NEMP2: variants seen among roughly 807,000 people sequenced by gnomAD.
The protein encoded by NEMP2 is nuclear envelope integral membrane protein 2.
Under a neutral mutation model 54.2 loss-of-function variants are expected in NEMP2, and 53 were observed. The observed-to-expected ratio is 0.98, with a 90% confidence interval of 0.78 to 1.23. The LOEUF (loss-of-function observed/expected upper bound fraction) is 1.23, where lower values mean the gene tolerates loss of function less well. Among genes scored for constraint, NEMP2 ranks in the 50% most tolerant of loss-of-function variants. NEMP2 has a pLI of 0.00. For synonymous variants in NEMP2, 197 were observed against 190.3 expected (o/e 1.04, Z -0.29); for missense variants, 455 against 511.3 (o/e 0.89, Z 1.06).
chr2:190,643,322 A>C, the NEMP2 span, among the ~76,000 whole-genome samples: 1 of 152,140 alleles, frequency 6.6e-6, no homozygotes, highest in Non-Finnish European at 1.5e-5. Flanking sequence ...AGGGAAGTGG[A>C]GCTCACAGTG....
the NEMP2 span, chr2:190,469,733 A>ATTTTTAT: frequency 0.91 from 1,023,308 of 1,120,248 alleles, 470,803 homozygotes; most frequent in East Asian, 0.99. The surrounding 1 kb of genome is among the most constrained non-coding windows in gnomAD (Gnocchi z 5.3). Context: ...TTTTTATTTT[A>ATTTTTAT]TTTTTATTTT....
chr2:190,434,322 T>C, the NEMP2 span, among the ~76,000 whole-genome samples: 28 of 152,312 alleles, frequency 1.8e-4, no homozygotes, highest in African/African-American at 6.5e-4. This position sits in a 1 kb window ranked among gnomAD's most constrained non-coding sequence, Gnocchi z 4.3. Context: ...ACTTTAATCA[T>C]TCAATCTTTA....
the NEMP2 span, among the ~76,000 whole-genome samples, chr2:190,469,123 T>C: frequency 6.6e-6 from 1 of 152,194 alleles, no homozygotes; most frequent in South Asian, 2.1e-4. This position sits in a 1 kb window ranked among gnomAD's most constrained non-coding sequence, Gnocchi z 5.3. Flanking sequence ...ATTTATTAGT[T>C]TTGTAAACAT....
the NEMP2 span, among the ~76,000 whole-genome samples, chr2:190,496,752 G>C: frequency 6.6e-6 from 1 of 152,138 alleles, no homozygotes; most frequent in African/African-American, 2.4e-5. The surrounding 1 kb of genome is among the most constrained non-coding windows in gnomAD (Gnocchi z 4.7). Flanking sequence ...TGAATTAATG[G>C]CATTCACAGC....
chr2:190,600,276 T>G, the NEMP2 span, among the ~76,000 whole-genome samples: 1 of 152,116 alleles, frequency 6.6e-6, no homozygotes, highest in East Asian at 1.9e-4. The surrounding 1 kb of genome is among the most constrained non-coding windows in gnomAD (Gnocchi z 4.9). Context: ...AAAACCCAAC[T>G]AGAAGATACT....
chr2:190,581,243 C>T, the NEMP2 span, among the ~76,000 whole-genome samples: 1 of 152,190 alleles, frequency 6.6e-6, no homozygotes, highest in African/African-American at 2.4e-5. Context: ...CACTTAATGG[C>T]AGTAATCCAT....
At chr2:190,446,928 C>CTA in the NEMP2 span, among the ~76,000 whole-genome samples, 2 of 152,186 alleles carry the variant, frequency 1.3e-5, no homozygotes, top group Non-Finnish European at 2.9e-5. Context: ...GGATCTCTCC[C>CTA]AGTGCACTGC....
the NEMP2 span, among the ~76,000 whole-genome samples, chr2:190,456,803 AC>A: frequency 7.2e-5 from 11 of 152,194 alleles, no homozygotes. This position sits in a 1 kb window ranked among gnomAD's most constrained non-coding sequence, Gnocchi z 5.4. Context: ...TTCTGTGGCT[AC>A]CTCAGCAGAA....
the NEMP2 span, chr2:190,463,753 A>G: frequency 2.3e-6 from 1 of 436,778 alleles, no homozygotes; most frequent in Non-Finnish European, 3.0e-6. This position sits in a 1 kb window ranked among gnomAD's most constrained non-coding sequence, Gnocchi z 4.4. Flanking sequence ...TCTGGTGGTC[A>G]AGGCTGCATT....
the NEMP2 span, among the ~76,000 whole-genome samples, chr2:190,563,995 T>A: frequency 6.6e-6 from 1 of 152,252 alleles, no homozygotes; most frequent in Non-Finnish European, 1.5e-5. This position sits in a 1 kb window ranked among gnomAD's most constrained non-coding sequence, Gnocchi z 4.3. Flanking sequence ...GCTATCCTAA[T>A]GTTCCAGAAT....
the NEMP2 span, among the ~76,000 whole-genome samples, chr2:190,643,614 T>A: frequency 6.6e-6 from 1 of 152,240 alleles, no homozygotes; most frequent in Non-Finnish European, 1.5e-5. Context: ...GAATTAATAC[T>A]GATAAAGTGC....
At chr2:190,639,795 C>T in the NEMP2 span, among the ~76,000 whole-genome samples, 1 of 152,074 alleles carries the variant, frequency 6.6e-6, no homozygotes, top group Admixed American at 6.5e-5. Flanking sequence ...ACTACAGGTG[C>T]ATGCCACCAT....
the NEMP2 span, among the ~76,000 whole-genome samples, chr2:190,429,594 T>G: frequency 6.6e-6 from 1 of 152,158 alleles, no homozygotes; most frequent in African/African-American, 2.4e-5. Context: ...GGATTACAGG[T>G]ATGAGCTACT....
At position 190,509,056 on chromosome 2, in the gene NEMP2, C is replaced by T; in HGVS notation, c.*133G>A. 3.6e-6 allele frequency: 5 copies of T among 1,374,828 alleles called. No homozygotes were observed. Among genetic ancestry groups the T allele is most frequent in the South Asian group, 3.1e-5 (2 of 64,614 alleles). 85.2% of individuals were successfully genotyped at this position (1,374,828 alleles called of 1,614,324 possible). A position where few individuals can be genotyped will look rare whatever the true frequency, so the allele number is the denominator to read the frequency against. ...TTCAAAATGGGTTGGTTTCCCTTTC[C>T]AGACTGACTTGTTTTTCTCCACAGC... On this transcript the variant is annotated 3_prime_UTR_variant, in exon 9 of 9. Coordinates refer to ENST00000409150, the MANE Select transcript of NEMP2 (RefSeq NM_001142645.2). The surrounding 1 kb of genome is among the most constrained non-coding windows in gnomAD (Gnocchi z 6.1).
chr2:190,627,774 T>C, the NEMP2 span: 1 of 152,264 alleles, frequency 6.6e-6, no homozygotes, highest in Non-Finnish European at 1.5e-5. This position sits in a 1 kb window ranked among gnomAD's most constrained non-coding sequence, Gnocchi z 4.4. Flanking sequence ...TCTTATAGAA[T>C]GCATATGCTT....
At chr2:190,605,813 C>G in the NEMP2 span, among the ~76,000 whole-genome samples, 1 of 152,206 alleles carries the variant, frequency 6.6e-6, no homozygotes, top group African/African-American at 2.4e-5. Context: ...CTCTGGGAAA[C>G]TTAGCTTCTC....
At position 190,534,700 on chromosome 2, in the gene NEMP2, G is replaced by C. The variant is rs1420927741; in HGVS notation, c.-45C>G. 8.1e-7 allele frequency: 1 copy of C among 1,230,996 alleles called. No individual in the cohort carries two copies. Among genetic ancestry groups the C allele is most frequent in the African/African-American group, 1.6e-5 (1 of 64,014 alleles). The allele number at this position is 1,230,996 out of a possible 1,614,324, so 76.3% of individuals were successfully genotyped here. Reference sequence around the variant, plus strand: ...GTGCGACCCGAGCCCTAGGGGACCGGCTCCGCTGCGAGGAGCGGAAGTGGC... The same window carrying C: ...GTGCGACCCGAGCCCTAGGGGACCGCCTCCGCTGCGAGGAGCGGAAGTGGC... On this transcript the variant is annotated 5_prime_UTR_variant, in exon 1 of 9. Coordinates refer to ENST00000409150, the MANE Select transcript of NEMP2 (RefSeq NM_001142645.2).
At chr2:190,572,969 C>T in the NEMP2 span, among the ~76,000 whole-genome samples, 1 of 149,976 alleles carries the variant, frequency 6.7e-6, no homozygotes, top group African/African-American at 2.5e-5. Context: ...TTTTATGAAT[C>T]TTAATGTTTT....
At chr2:190,443,867 C>A in the NEMP2 span, among the ~76,000 whole-genome samples, 1 of 152,126 alleles carries the variant, frequency 6.6e-6, no homozygotes, top group Non-Finnish European at 1.5e-5. The surrounding 1 kb of genome is among the most constrained non-coding windows in gnomAD (Gnocchi z 4.2). Context: ...TCAGCCTGGG[C>A]AACATGGTGA....
Sources: gnomAD v4.1 joint callset for allele counts (sites outside exome capture counted in the v4.1 genomes callset) on GRCh38, gnomAD v4.1.1 for gene constraint, Gnocchi (gnomAD v3.1) non-coding constraint, MANE v1.5 for transcripts, NCBI Gene and HGNC (gene_info 2026-07-23, HGNC 2026-07-21) for gene names.